KHDRBS2: variants seen among roughly 807,000 people sequenced by gnomAD.
KHDRBS2 encodes the protein KH RNA binding domain containing, signal transduction associated 2, also known as KH domain-containing, RNA-binding, signal transduction-associated protein 2.
A neutral mutation model predicts 44.3 loss-of-function variants in KHDRBS2; 26 were observed. The observed-to-expected ratio is 0.59, with a 90% CI of 0.43 to 0.81. The LOEUF is 0.81. Ranked by LOEUF, KHDRBS2 falls within the 40% of genes least tolerant of loss-of-function variation. The pLI, the probability that KHDRBS2 is intolerant of heterozygous loss-of-function variation, is 0.00. For missense variants in KHDRBS2, 476 were observed against 433.1 expected, an observed-to-expected ratio of 1.10 and a Z score of -0.88; for synonymous variants, 194 against 151.1, an observed-to-expected ratio of 1.28 and a Z score of -2.08.
chr6:61,970,902 T>G (rs918722256), intron 4 of KHDRBS2, among the ~76,000 whole-genome samples: 4 of 152,126 alleles, frequency 2.6e-5, no homozygotes, highest in Non-Finnish European at 4.4e-5. Flanking sequence ...GTTCTAAGCC[T>G]GTGGGAGGAG....
chr6:61,657,606 T>C, the KHDRBS2 span, among the ~76,000 whole-genome samples: 1 of 151,926 alleles, frequency 6.6e-6, no homozygotes, highest in Non-Finnish European at 1.5e-5. Flanking sequence ...CAAAAAATGT[T>C]GGTTAGCAGA....
intron 6 of KHDRBS2, among the ~76,000 whole-genome samples, chr6:61,735,247 T>G (rs1171829637): frequency 6.6e-6 from 1 of 151,996 alleles, no homozygotes; most frequent in Non-Finnish European, 1.5e-5. Context: ...TTTGTCTCAT[T>G]TGTGTTATCT....
At chr6:62,220,065 G>C (rs2150151560) in intron 1 of KHDRBS2, among the ~76,000 whole-genome samples, 1 of 151,412 alleles carries the variant, frequency 6.6e-6, no homozygotes, top group East Asian at 1.9e-4. Context: ...GAAATTTCTA[G>C]GGAGGAGCAT....
intron 6 of KHDRBS2, among the ~76,000 whole-genome samples, chr6:61,803,971 T>TTTG (rs1786713217): frequency 6.6e-6 from 1 of 152,048 alleles, no homozygotes; most frequent in African/African-American, 2.4e-5. Flanking sequence ...GACCATATCA[T>TTTG]TTGTGCCCCT....
intron 2 of KHDRBS2, among the ~76,000 whole-genome samples, chr6:62,134,176 T>C (rs1810986919): frequency 6.6e-6 from 1 of 152,062 alleles, no homozygotes. Flanking sequence ...AAAAAATGGT[T>C]TTGTGAGCTG....
At chr6:62,043,635 T>C (rs1236167359) in intron 3 of KHDRBS2, among the ~76,000 whole-genome samples, 2 of 152,086 alleles carry the variant, frequency 1.3e-5, no homozygotes, top group African/African-American at 4.8e-5. Flanking sequence ...TATATTTTAC[T>C]TTGTTTTCAT....
intron 7 of KHDRBS2, among the ~76,000 whole-genome samples, chr6:61,730,816 T>TTA (rs773895853): frequency 3.3e-5 from 5 of 151,792 alleles, no homozygotes; most frequent in East Asian, 1.9e-4. Flanking sequence ...TATACAGCCA[T>TTA]TATATATATG....
chr6:61,862,954 T>A (rs1797221219), intron 6 of KHDRBS2, among the ~76,000 whole-genome samples: 1 of 151,838 alleles, frequency 6.6e-6, no homozygotes, highest in Non-Finnish European at 1.5e-5. Context: ...TATCACTGCC[T>A]CAATTTCAAA....
chr6:62,061,745 C>G (rs1262988281), intron 2 of KHDRBS2, among the ~76,000 whole-genome samples: 1 of 149,766 alleles, frequency 6.7e-6, no homozygotes, highest in East Asian at 2.0e-4. Flanking sequence ...GGGAAGTTCT[C>G]CTGGATAATA....
intron 2 of KHDRBS2, among the ~76,000 whole-genome samples, chr6:62,067,386 T>C (rs1257628551): frequency 6.6e-6 from 1 of 151,526 alleles, no homozygotes; most frequent in Non-Finnish European, 1.5e-5. Flanking sequence ...TTGTACATGA[T>C]TCTAGTAAGA....
At chr6:62,226,656 G>A (rs545002167) in intron 1 of KHDRBS2, among the ~76,000 whole-genome samples, 3 of 150,986 alleles carry the variant, frequency 2.0e-5, no homozygotes, top group South Asian at 4.2e-4. Context: ...CTAGGTTTTC[G>A]ATTTTACTTT....
At chr6:62,235,502 C>T (rs554623522) in intron 1 of KHDRBS2, among the ~76,000 whole-genome samples, 136 of 152,018 alleles carry the variant, frequency 8.9e-4, no homozygotes, top group African/African-American at 3.1e-3. Context: ...ATCTTCTGGA[C>T]CCAGAATTTT....
intron 1 of KHDRBS2, among the ~76,000 whole-genome samples, chr6:62,267,907 T>C (rs1839460691): frequency 1.3e-5 from 2 of 152,090 alleles, no homozygotes; most frequent in Admixed American, 1.3e-4. Context: ...TGTTCAATAC[T>C]ATGAAATTGT....
chr6:62,016,437 A>G (rs943262498), intron 3 of KHDRBS2, among the ~76,000 whole-genome samples: 6 of 151,594 alleles, frequency 4.0e-5, no homozygotes, highest in Admixed American at 4.0e-4. Flanking sequence ...GTTTAGTAAA[A>G]TATTTGGGTG....
At chr6:62,200,692 C>T (rs958681228) in intron 1 of KHDRBS2, among the ~76,000 whole-genome samples, 33 of 152,268 alleles carry the variant, frequency 2.2e-4, no homozygotes, top group African/African-American at 7.9e-4. Flanking sequence ...CTTCAGGGAT[C>T]TAGAACTAGA....
intron 6 of KHDRBS2, among the ~76,000 whole-genome samples, chr6:61,738,037 A>G (rs1775639434): frequency 6.6e-6 from 1 of 151,998 alleles, no homozygotes; most frequent in African/African-American, 2.4e-5. Flanking sequence ...AGAAATCAAA[A>G]CATAAAAGAT....
At chr6:61,833,461 T>A (rs184268400) in intron 6 of KHDRBS2, among the ~76,000 whole-genome samples, 1 of 152,310 alleles carries the variant, frequency 6.6e-6, no homozygotes, top group Non-Finnish European at 1.5e-5. Context: ...TCCTATATAA[T>A]ACCATATGTT....
the KHDRBS2 span, among the ~76,000 whole-genome samples, chr6:61,550,096 T>A: frequency 6.6e-6 from 1 of 152,142 alleles, no homozygotes; most frequent in Admixed American, 6.5e-5. Context: ...AGGTTTGTTA[T>A]ATGGGTAAAT....
chr6:61,892,675 G>A (rs1802110588), intron 6 of KHDRBS2, among the ~76,000 whole-genome samples: 1 of 152,124 alleles, frequency 6.6e-6, no homozygotes, highest in African/African-American at 2.4e-5. Context: ...TTAATAAATG[G>A]TGCTGGGAAA....
Sources: gnomAD v4.1 joint callset for allele counts (sites outside exome capture counted in the v4.1 genomes callset) on GRCh38, gnomAD v4.1.1 for gene constraint, MANE v1.5 for transcripts, NCBI Gene and HGNC (gene_info 2026-07-23, HGNC 2026-07-21) for gene names.